Variants in TGS1 observed in about 807,000 individuals in gnomAD.
The protein encoded by TGS1 is trimethylguanosine synthase.
Under a neutral mutation model 92.2 loss-of-function variants are expected in TGS1, and 69 were observed. The observed-to-expected ratio is 0.75, with a 90% CI of 0.62 to 0.91. The LOEUF (loss-of-function observed/expected upper bound fraction) is 0.91. TGS1 is among the 40% of genes least tolerant of loss of function. The probability of loss-of-function intolerance (pLI) is 0.00; values close to 1 mark genes in which losing one functional copy is unlikely to be tolerated. For synonymous variants in TGS1, 345 were observed against 338.1 expected (o/e 1.02, Z -0.22); for missense variants, 1,062 against 1,001.2 (o/e 1.06, Z -0.82).
chr8:55,791,307 G>T (rs995491132), intron 5 of TGS1, among the ~76,000 whole-genome samples: 5 of 152,158 alleles, frequency 3.3e-5, no homozygotes, highest in African/African-American at 4.8e-5. Context: ...TTGATAACAG[G>T]AACTGTCACA....
intron 1 of TGS1, among the ~76,000 whole-genome samples, chr8:55,782,150 ATTTATTTATTTATTT>A (rs771718747): frequency 0.15 from 21,746 of 145,830 alleles, 1,875 homozygotes; most frequent in African/African-American, 0.22. Context: ...CTTACACTTT[ATTTATTTATTTATTT>A]ATTTATTTAT....
intron 1 of TGS1, among the ~76,000 whole-genome samples, chr8:55,777,507 A>G (rs2130097490): frequency 6.6e-6 from 1 of 151,904 alleles, no homozygotes; most frequent in South Asian, 2.1e-4. Flanking sequence ...CTATATTTGA[A>G]GTTGAGCAAA....
chr8:55,808,589 A>G (rs1011953041), intron 10 of TGS1, among the ~76,000 whole-genome samples: 9 of 146,380 alleles, frequency 6.1e-5, no homozygotes, highest in Non-Finnish European at 1.2e-4. Flanking sequence ...GCTCACTACA[A>G]CCTTCACCTC....
At chr8:55,811,126 T>G (rs369223247) in intron 11 of TGS1, 29 bp downstream of exon 11, 18 of 1,337,564 alleles carry the variant, frequency 1.3e-5, no homozygotes, top group Middle Eastern at 2.1e-4. Flanking sequence ...AAGAGTTTAC[T>G]GAAACAATGA....
In TGS1 at chr8:55,815,849, G is replaced by C. The variant is rs1052695145; in HGVS notation, c.2439+2731G>C. ...GAGTAATTTAGAAAAATATCTTTTT[G>C]TGAGAGGCTCTTTGGAGGTAAGGTA... On this transcript the variant is annotated intron_variant, in intron 12 of 12. Transcript: ENST00000260129. Among the ~76,000 whole-genome samples, 11 of 151,888 alleles carry C rather than the reference G, an allele frequency of 7.2e-5. No homozygotes were observed. In the South Asian group the frequency reaches 1.9e-3, roughly 26 times the overall value.
chr8:55,807,207 C>G (rs1325431718), intron 10 of TGS1, among the ~76,000 whole-genome samples: 1 of 152,124 alleles, frequency 6.6e-6, no homozygotes, highest in Non-Finnish European at 1.5e-5. Context: ...GGATTACAGG[C>G]GTGAGCCACC....
At chr8:55,808,515 T>C (rs2130216050) in intron 10 of TGS1, among the ~76,000 whole-genome samples, 1 of 149,442 alleles carries the variant, frequency 6.7e-6, no homozygotes, top group Admixed American at 6.6e-5. Flanking sequence ...TTTTTTCTTT[T>C]TTTTTTTTTT....
chr8:55,799,368 A>T, intron 8 of TGS1, 148 bp downstream of exon 8: 2 of 753,130 alleles, frequency 2.7e-6, no homozygotes, highest in Non-Finnish European at 4.2e-6. Flanking sequence ...TATTAAGTGT[A>T]CATGTTCTAA....
intron 8 of TGS1, among the ~76,000 whole-genome samples, chr8:55,799,553 C>T (rs1048566588): frequency 1.3e-5 from 2 of 152,076 alleles, no homozygotes; most frequent in South Asian, 4.1e-4. Context: ...TTGCCTTCTT[C>T]GTATGTGGTG....
intron 10 of TGS1, 74 bp downstream of exon 10, chr8:55,805,110 C>G: frequency 8.0e-7 from 1 of 1,249,564 alleles, no homozygotes; most frequent in Non-Finnish European, 1.1e-6. Context: ...TTGCTACAGC[C>G]TATCTTACTG....
chr8:55,776,112 G>A (rs866676288), intron 1 of TGS1, among the ~76,000 whole-genome samples: 2 of 151,934 alleles, frequency 1.3e-5, no homozygotes, highest in African/African-American at 2.4e-5. Context: ...CTCAAGAGCC[G>A]AGCAACCCGA....
chr8:55,787,094 T>C, intron 4 of TGS1, 34 bp downstream of exon 4: 1 of 1,496,042 alleles, frequency 6.7e-7, no homozygotes, highest in South Asian at 1.3e-5. Flanking sequence ...TGCCATGTAA[T>C]GGTTAGCAAA....
At chr8:55,792,614 A>G (rs1027285345) in intron 5 of TGS1, 84 bp from the exon 6 acceptor site, 8 of 927,804 alleles carry the variant, frequency 8.6e-6, no homozygotes, top group Non-Finnish European at 1.4e-5. Flanking sequence ...TGCATGGGTC[A>G]ATTATATTGC....
intron 12 of TGS1, among the ~76,000 whole-genome samples, chr8:55,819,828 A>G (rs753832777): frequency 3.9e-5 from 6 of 152,208 alleles, no homozygotes; most frequent in Non-Finnish European, 8.8e-5. Context: ...TGTTTTGCCA[A>G]CTTTGTTTTA....
At chr8:55,812,302 C>A (rs1803360252) in intron 11 of TGS1, among the ~76,000 whole-genome samples, 1 of 151,836 alleles carries the variant, frequency 6.6e-6, no homozygotes, top group Non-Finnish European at 1.5e-5. Flanking sequence ...CCAAGGCGGG[C>A]AAATCATTTG....
intron 11 of TGS1, 92 bp from the exon 12 acceptor site, chr8:55,812,948 G>T: frequency 1.0e-6 from 1 of 957,774 alleles, no homozygotes. Context: ...GTTACATTTT[G>T]AAATACATTT....
In TGS1 at chr8:55,792,861, T is replaced by C. The variant is rs953104565; in HGVS notation, c.1367+77T>C. 4 of 897,062 alleles carry C rather than the reference T, an allele frequency of 4.5e-6. No individual in the cohort carries two copies. The Admixed American group carries it at 5.8e-5, about 13-fold the overall frequency. 55.6% of individuals were successfully genotyped at this position (897,062 alleles called of 1,614,324 possible). A position where few individuals can be genotyped will look rare whatever the true frequency, so the allele number is the denominator to read the frequency against. ...ATCTTAGAGCACTCTGATACTCAGA[T>C]AACTAATAAATGATCATGTGTTGAG... On this transcript the variant is annotated intron_variant, in intron 6 of 12. Transcript: ENST00000260129.
intron 11 of TGS1, 42 bp from the exon 12 acceptor site, chr8:55,812,998 A>G: frequency 7.4e-7 from 1 of 1,357,424 alleles, no homozygotes; most frequent in Non-Finnish European, 1.1e-6. Context: ...CTGATTAGAA[A>G]TTAGCTGCTG....
At chr8:55,781,731 A>C (rs2044010478) in intron 1 of TGS1, among the ~76,000 whole-genome samples, 1 of 152,230 alleles carries the variant, frequency 6.6e-6, no homozygotes, top group African/African-American at 2.4e-5. Flanking sequence ...TATCTCCAAA[A>C]AAGAAGCAAG....
Sources: allele counts gnomAD v4.1 joint callset (sites outside exome capture counted in the v4.1 genomes callset), GRCh38; gene constraint gnomAD v4.1.1; transcripts MANE v1.5; gene names NCBI Gene and HGNC (gene_info 2026-07-23, HGNC 2026-07-21).